The following LUC7L2 variants were observed in gnomAD, a reference collection of about 807,000 sequenced individuals.
The protein encoded by LUC7L2 is putative RNA-binding protein Luc7-like 2.
In LUC7L2, 25 loss-of-function variants were observed where a neutral mutation model predicts 52.8. That is an observed-to-expected ratio of 0.47 (90% CI 0.34 to 0.66). The LOEUF (loss-of-function observed/expected upper bound fraction) is 0.66, where lower values mean the gene tolerates loss of function less well. Among genes scored for constraint, LUC7L2 ranks in the 30% least tolerant of loss-of-function variants. LUC7L2 has a pLI of 0.01. For synonymous variants in LUC7L2, 144 were observed against 160.9 expected, an observed-to-expected ratio of 0.89 and a Z score of 0.80; for missense variants, 328 against 497.8, an observed-to-expected ratio of 0.66 and a Z score of 3.25.
intron 4 of LUC7L2, among the ~76,000 whole-genome samples, chr7:139,405,207 C>G (rs984693983): frequency 6.6e-6 from 1 of 152,082 alleles, no homozygotes; most frequent in Non-Finnish European, 1.5e-5. Flanking sequence ...AGTGAATATT[C>G]AGTAGGCAGG....
At chr7:139,376,209 C>G in intron 2 of LUC7L2, 53 bp downstream of exon 2, 1 of 1,557,416 alleles carries the variant, frequency 6.4e-7, no homozygotes, top group Middle Eastern at 1.8e-4. Context: ...CAGTAATGAA[C>G]TACTTGATAA....
At chr7:139,390,254 T>A (rs1391743991) in intron 2 of LUC7L2, among the ~76,000 whole-genome samples, 2 of 151,840 alleles carry the variant, frequency 1.3e-5, no homozygotes, top group Non-Finnish European at 2.9e-5. Context: ...TTTCTTATTT[T>A]TTTTTTTATT....
Position 139,415,066 on chromosome 7 carries a change from T to TG in LUC7L2, c.810-2472_810-2471insG, listed in dbSNP as rs1481284978. 4.7e-3 allele frequency among the ~76,000 whole-genome samples: 665 copies of TG among 142,948 alleles called. 13 individuals carry two copies. The highest frequency in any genetic ancestry group is 0.014 in the Middle Eastern group (4 of 282). The allele number at this position is 142,948 out of a possible 152,430, so 93.8% of individuals were successfully genotyped here. ...CATGCCCTGCTAAGTTTTTTTTTTT[T>TG]TTTTTTTTTTTTTTTTTGTATTTTT... is the stretch of plus-strand genomic sequence containing the variant. On this transcript the variant is annotated intron_variant, in intron 8 of 9. Coordinates refer to ENST00000354926, the MANE Select transcript of LUC7L2 (RefSeq NM_016019.5).
intron 8 of LUC7L2, chr7:139,417,246 G>GC: frequency 3.4e-6 from 1 of 295,536 alleles, no homozygotes; most frequent in Non-Finnish European, 6.6e-6. Flanking sequence ...TCGCCATGTT[G>GC]CCTAGGCTGG....
At chr7:139,343,815 G>C (rs568460631) in intron 1 of LUC7L2, among the ~76,000 whole-genome samples, 4 of 151,208 alleles carry the variant, frequency 2.6e-5, no homozygotes, top group Non-Finnish European at 5.9e-5. Flanking sequence ...TGCGTCTGTA[G>C]TCCCAGCTAC....
At chr7:139,382,904 A>G (rs746315192) in intron 2 of LUC7L2, among the ~76,000 whole-genome samples, 1 of 151,680 alleles carries the variant, frequency 6.6e-6, no homozygotes, top group Admixed American at 6.6e-5. Context: ...GGGTACATAC[A>G]AACCCAAACT....
intron 2 of LUC7L2, among the ~76,000 whole-genome samples, chr7:139,386,129 A>G (rs1794181936): frequency 1.3e-5 from 2 of 152,016 alleles, no homozygotes; most frequent in African/African-American, 2.4e-5. Flanking sequence ...CAGCCTTCCA[A>G]GTAGCTGGGA....
At position 139,407,162 on chromosome 7, in the gene LUC7L2, A is replaced by G; in HGVS notation, c.511-12A>G. On this transcript the variant is annotated splice_polypyrimidine_tract_variant and intron_variant, in intron 5 of 9. Coordinates refer to ENST00000354926, the MANE Select transcript of LUC7L2 (RefSeq NM_016019.5). ...GATTTATATGGTCATTGTTTTTCTC[A>G]CTTTTGTTTAGGAAGTTTATCGGAA... The G allele has an allele frequency of 6.2e-7, 1 of 1,600,518 alleles. No homozygotes were observed. The highest frequency in any genetic ancestry group is 8.5e-7 in the Non-Finnish European group (1 of 1,172,938).
chr7:139,360,116 C>T lies in LUC7L2; in HGVS notation c.-146C>T, dbSNP rs992721025. 7 of 599,984 alleles carry T rather than the reference C, an allele frequency of 1.2e-5. No individual in the cohort carries two copies. Among genetic ancestry groups the T allele is most frequent in the South Asian group, 1.9e-5 (1 of 51,392 alleles). The allele number at this position is 599,984 out of a possible 1,614,324, so 37.2% of individuals were successfully genotyped here. On this transcript the variant is annotated 5_prime_UTR_variant, in exon 1 of 10. Transcript: ENST00000354926. ...CGCAGTCCGGACTCTTCCCGCAACC[C>T]CTCCGGCTCCCTTTCCGCACGCCTC...
chr7:139,367,612 C>T (rs1800230220), intron 1 of LUC7L2, among the ~76,000 whole-genome samples: 1 of 152,318 alleles, frequency 6.6e-6, no homozygotes, highest in African/African-American at 2.4e-5. Context: ...GTGCAAATCT[C>T]ATACTTTGGA....
chr7:139,405,531 T>G (rs1795081217), intron 4 of LUC7L2, 113 bp from the exon 5 acceptor site: 6 of 1,327,300 alleles, frequency 4.5e-6, no homozygotes, highest in Non-Finnish European at 6.0e-6. Flanking sequence ...AAAGCATTCT[T>G]TAACCACATA....
At chr7:139,389,297 T>G (rs1481990130) in intron 2 of LUC7L2, among the ~76,000 whole-genome samples, 2 of 152,204 alleles carry the variant, frequency 1.3e-5, no homozygotes, top group Non-Finnish European at 2.9e-5. Flanking sequence ...TCTGCATTTT[T>G]TTTGACTCAT....
At chr7:139,375,684 A>G (rs1021104735) in intron 1 of LUC7L2, 1 of 922,180 alleles carries the variant, frequency 1.1e-6, no homozygotes, top group Non-Finnish European at 1.3e-6. Flanking sequence ...ATACCAGTAT[A>G]AACTCTCTTA....
intron 1 of LUC7L2, 140 bp downstream of exon 1, chr7:139,360,462 T>C: frequency 1.4e-6 from 1 of 708,586 alleles, no homozygotes; most frequent in Non-Finnish European, 2.3e-6. Context: ...CCGTCCCCCG[T>C]CCCATCCAAT....
At chr7:139,419,692 T>C (rs1236659253) in intron 9 of LUC7L2, among the ~76,000 whole-genome samples, 1 of 152,218 alleles carries the variant, frequency 6.6e-6, no homozygotes, top group African/African-American at 2.4e-5. Flanking sequence ...TGTGTTATTT[T>C]AGTCCCTGAT....
intron 2 of LUC7L2, among the ~76,000 whole-genome samples, chr7:139,391,801 G>A (rs1247066957): frequency 6.6e-6 from 1 of 152,126 alleles, no homozygotes; most frequent in Non-Finnish European, 1.5e-5. Flanking sequence ...TTGCCAGGCT[G>A]GTCTCGAACT....
chr7:139,417,422 G>C, intron 8 of LUC7L2, 116 bp from the exon 9 acceptor site: 1 of 1,287,908 alleles, frequency 7.8e-7, no homozygotes, highest in Non-Finnish European at 1.1e-6. Flanking sequence ...AGCTGACTTG[G>C]AATATAATTG....
At chr7:139,417,349 T>G (rs1282463944) in intron 8 of LUC7L2, 189 bp from the exon 9 acceptor site, 5 of 751,570 alleles carry the variant, frequency 6.7e-6, no homozygotes, top group Non-Finnish European at 1.0e-5. Flanking sequence ...CTGAGAATTA[T>G]TAATGTTTTA....
At chr7:139,391,759 A>T (rs1469493429) in intron 2 of LUC7L2, among the ~76,000 whole-genome samples, 5 of 151,852 alleles carry the variant, frequency 3.3e-5, no homozygotes, top group African/African-American at 1.2e-4. Flanking sequence ...GCTAATTTTT[A>T]TATTTTTGGT....
Sources: gnomAD v4.1 joint callset for allele counts (sites outside exome capture counted in the v4.1 genomes callset) on GRCh38, gnomAD v4.1.1 for gene constraint, MANE v1.5 for transcripts, NCBI Gene and HGNC (gene_info 2026-07-23, HGNC 2026-07-21) for gene names.